The following ADAMTSL1 variants were observed in gnomAD, a reference collection of about 807,000 sequenced individuals.
The protein encoded by ADAMTSL1 is ADAMTS like 1.
ADAMTSL1 carries 126 observed loss-of-function variants against 201.8 expected under a neutral mutation model. The observed-to-expected ratio is 0.62, with a 90% CI of 0.54 to 0.72. The LOEUF is 0.72. Ranked by LOEUF, ADAMTSL1 falls within the 30% of genes least tolerant of loss-of-function variation. The pLI, the probability that ADAMTSL1 is intolerant of heterozygous loss-of-function variation, is 0.00. For missense variants in ADAMTSL1, 2,679 were observed against 2,277.8 expected, an observed-to-expected ratio of 1.18 and a Z score of -3.59; for synonymous variants, 1,121 against 903.4, an observed-to-expected ratio of 1.24 and a Z score of -4.32.
At chr9:18,337,546 G>A (rs142206485) in intron 2 of ADAMTSL1, among the ~76,000 whole-genome samples, 2 of 152,094 alleles carry the variant, frequency 1.3e-5, no homozygotes, top group African/African-American at 2.4e-5. Flanking sequence ...TTACAGATGA[G>A]GAAACTGAGA....
chr9:17,942,246 T>C (rs927204641), intron 1 of ADAMTSL1, among the ~76,000 whole-genome samples: 3 of 152,182 alleles, frequency 2.0e-5, no homozygotes, highest in Non-Finnish European at 4.4e-5. Flanking sequence ...GTATGCAACA[T>C]TGTGAATGTA....
intron 4 of ADAMTSL1, among the ~76,000 whole-genome samples, chr9:18,580,960 AT>A (rs137968583): frequency 0.022 from 3,230 of 147,448 alleles, 121 homozygotes; most frequent in African/African-American, 0.074. Flanking sequence ...TTTCAATTGC[AT>A]TTTTTTTTTG....
chr9:18,801,258 AT>A (rs752393135), intron 20 of ADAMTSL1, among the ~76,000 whole-genome samples: 28 of 152,106 alleles, frequency 1.8e-4, no homozygotes, highest in Non-Finnish European at 3.5e-4. Flanking sequence ...GGTTAAAACT[AT>A]TTTTTCAGCT....
chr9:18,462,267 C>A (rs1008057434), intron 2 of ADAMTSL1, among the ~76,000 whole-genome samples: 1 of 152,100 alleles, frequency 6.6e-6, no homozygotes, highest in Non-Finnish European at 1.5e-5. Flanking sequence ...TGAATGTAAT[C>A]AATGTCCTTG....
intron 23 of ADAMTSL1, among the ~76,000 whole-genome samples, chr9:18,883,679 T>A (rs74662043): frequency 0.026 from 3,936 of 152,326 alleles, 119 homozygotes; most frequent in South Asian, 0.13. Flanking sequence ...TATTTGTCCT[T>A]TTATATCTGA....
At chr9:17,926,190 G>A (rs1826518897) in intron 1 of ADAMTSL1, among the ~76,000 whole-genome samples, 2 of 152,104 alleles carry the variant, frequency 1.3e-5, no homozygotes, top group African/African-American at 4.8e-5. Context: ...CTATTGTGAT[G>A]TTTCTTTCAG....
chr9:18,398,888 T>C lies in ADAMTSL1; in HGVS notation c.208-105941T>C, dbSNP rs112798507. Among the ~76,000 whole-genome samples the C allele has an allele frequency of 7.4e-3, 1,130 of 152,248 alleles. 19 individuals are homozygous for C. The highest frequency in any genetic ancestry group is 0.026 in the African/African-American group (1,073 of 41,564). On this transcript the variant is annotated intron_variant, in intron 2 of 29. Coordinates refer to the ADAMTSL1 transcript ENST00000680146. ...TTTCTATTATATGTGAGGCATTGTG[T>C]TAGATGTCAAAGAGTGAAATTCAGA...
chr9:18,337,834 T>C (rs1238056129), intron 2 of ADAMTSL1, among the ~76,000 whole-genome samples: 2 of 152,158 alleles, frequency 1.3e-5, no homozygotes, highest in African/African-American at 4.8e-5. Flanking sequence ...GACACAATAC[T>C]GAAGAGTGGT....
chr9:18,362,059 G>A (rs964128925), intron 2 of ADAMTSL1: 1 of 152,170 alleles, frequency 6.6e-6, no homozygotes, highest in African/African-American at 2.4e-5. Context: ...GAATATGTGG[G>A]TACTGAACAT....
chr9:18,588,740 G>T (rs917103103), intron 4 of ADAMTSL1, among the ~76,000 whole-genome samples: 19 of 151,506 alleles, frequency 1.3e-4, no homozygotes, highest in Non-Finnish European at 2.4e-4. Context: ...ATATTCTTGG[G>T]ATCTTTGTTG....
At chr9:18,191,481 AG>A (rs1828968960) in intron 2 of ADAMTSL1, among the ~76,000 whole-genome samples, 1 of 152,180 alleles carries the variant, frequency 6.6e-6, no homozygotes, top group Non-Finnish European at 1.5e-5. Flanking sequence ...TAAACGTCAG[AG>A]AAGGAACCTC....
intron 2 of ADAMTSL1, among the ~76,000 whole-genome samples, chr9:18,273,524 AG>A (rs760058990): frequency 3.3e-5 from 5 of 152,262 alleles, no homozygotes; most frequent in Non-Finnish European, 7.3e-5. Flanking sequence ...GGGGCAGTGC[AG>A]GCATTTCTAG....
intron 4 of ADAMTSL1, among the ~76,000 whole-genome samples, chr9:18,589,785 T>C (rs1823789954): frequency 6.6e-6 from 1 of 152,214 alleles, no homozygotes; most frequent in African/African-American, 2.4e-5. Flanking sequence ...TCTACAGATG[T>C]TGAATTTTAT....
intron 2 of ADAMTSL1, among the ~76,000 whole-genome samples, chr9:18,315,413 C>A (rs1011327341): frequency 3.3e-5 from 5 of 151,742 alleles, no homozygotes; most frequent in African/African-American, 1.2e-4. Context: ...AGGCTCGGGC[C>A]GTGTGGGAGC....
intron 1 of ADAMTSL1, among the ~76,000 whole-genome samples, chr9:18,095,416 C>CTTTTTTTTTTTTTTTTT (rs35164794): frequency 1.0e-5 from 1 of 100,128 alleles, no homozygotes; most frequent in African/African-American, 3.4e-5. Context: ...TTCTTTCTTT[C>CTTTTTTTTTTTTTTTTT]TTTTTTTTTT....
chr9:18,357,891 C>T (rs895847017), intron 2 of ADAMTSL1, among the ~76,000 whole-genome samples: 8 of 152,156 alleles, frequency 5.3e-5, no homozygotes, highest in Admixed American at 2.6e-4. Context: ...CTGTCCAGCT[C>T]TCTGCATATC....
At chr9:18,215,134 C>T (rs181521182) in intron 2 of ADAMTSL1, among the ~76,000 whole-genome samples, 31 of 152,048 alleles carry the variant, frequency 2.0e-4, no homozygotes, top group African/African-American at 6.3e-4. Flanking sequence ...TTTGTATAGC[C>T]AATATAGTTT....
intron 2 of ADAMTSL1, among the ~76,000 whole-genome samples, chr9:18,392,508 AAC>A (rs1410953937): frequency 6.6e-6 from 1 of 152,194 alleles, no homozygotes; most frequent in Non-Finnish European, 1.5e-5. Context: ...TGCTACTGAC[AAC>A]AGTTTTCCCT....
intron 15 of ADAMTSL1, among the ~76,000 whole-genome samples, chr9:18,726,571 G>A (rs1052608464): frequency 2.6e-5 from 4 of 151,546 alleles, no homozygotes; most frequent in African/African-American, 9.7e-5. Flanking sequence ...AATGACATGA[G>A]CAGCCCAAGG....
Sources: gnomAD v4.1 joint callset for allele counts (sites outside exome capture counted in the v4.1 genomes callset) on GRCh38, gnomAD v4.1.1 for gene constraint, MANE v1.5 for transcripts, NCBI Gene and HGNC (gene_info 2026-07-23, HGNC 2026-07-21) for gene names.